PTCHD4: variants seen among roughly 807,000 people sequenced by gnomAD.
The protein encoded by PTCHD4 is patched domain containing 4.
A neutral mutation model predicts 58.1 loss-of-function variants in PTCHD4; 33 were observed. The ratio of observed to expected loss-of-function variants is 0.57; its 90% CI spans 0.43 to 0.76. PTCHD4 has a LOEUF of 0.76. PTCHD4 is among the 30% of genes least tolerant of loss of function. The pLI is 0.00. For missense variants in PTCHD4, 1,058 were observed against 1,027.1 expected, an observed-to-expected ratio of 1.03 and a Z score of -0.41; for synonymous variants, 478 against 409.6, an observed-to-expected ratio of 1.17 and a Z score of -2.02.
At chr6:48,002,166 A>C (rs377111559) in intron 4 of PTCHD4, among the ~76,000 whole-genome samples, 1 of 152,262 alleles carries the variant, frequency 6.6e-6, no homozygotes, top group African/African-American at 2.4e-5. Flanking sequence ...GTTGGTGGGA[A>C]TGTAAACTAG....
chr6:48,085,390 A>G (rs1023732259), intron 1 of PTCHD4, among the ~76,000 whole-genome samples: 4 of 152,188 alleles, frequency 2.6e-5, no homozygotes, highest in African/African-American at 9.7e-5. Flanking sequence ...ATTCTCACAT[A>G]TAAGCATATT....
At chr6:48,073,362 T>C (rs913597211) in intron 1 of PTCHD4, among the ~76,000 whole-genome samples, 4 of 152,200 alleles carry the variant, frequency 2.6e-5, no homozygotes, top group African/African-American at 9.7e-5. Flanking sequence ...TTCCATAATT[T>C]ACTTCCTAGA....
At chr6:48,080,921 T>C (rs1765154974) in intron 1 of PTCHD4, among the ~76,000 whole-genome samples, 1 of 152,196 alleles carries the variant, frequency 6.6e-6, no homozygotes, top group Non-Finnish European at 1.5e-5. Flanking sequence ...TTTTTAGCAT[T>C]GTATGTTTCT....
At chr6:48,108,455 G>T (rs1765791990) in intron 1 of PTCHD4, among the ~76,000 whole-genome samples, 1 of 152,064 alleles carries the variant, frequency 6.6e-6, no homozygotes, top group African/African-American at 2.4e-5. Flanking sequence ...ACTGTTGTGG[G>T]GTGGGGGGAG....
At chr6:47,901,662 G>C (rs751777026) in intron 4 of PTCHD4, 44 of 1,145,056 alleles carry the variant, frequency 3.8e-5, no homozygotes, top group Non-Finnish European at 4.8e-5. Flanking sequence ...TTAAGCACAG[G>C]GAGGAAAGAA....
At chr6:48,015,901 A>AG (rs1338326007) in intron 3 of PTCHD4, among the ~76,000 whole-genome samples, 11 of 151,922 alleles carry the variant, frequency 7.2e-5, no homozygotes, top group African/African-American at 2.7e-4. Flanking sequence ...ATATATAACT[A>AG]ATTATAGGTT....
At chr6:47,981,993 C>T (rs931225793) in intron 4 of PTCHD4, among the ~76,000 whole-genome samples, 1 of 152,156 alleles carries the variant, frequency 6.6e-6, no homozygotes, top group African/African-American at 2.4e-5. Context: ...CCAAGACTTG[C>T]CACGACTTCT....
intron 4 of PTCHD4, among the ~76,000 whole-genome samples, chr6:47,902,903 A>T (rs1185541169): frequency 6.6e-6 from 1 of 152,240 alleles, no homozygotes; most frequent in East Asian, 1.9e-4. Context: ...GGAGCTCTCT[A>T]AAAAGAGCGC....
In PTCHD4 at chr6:48,068,278, G is replaced by C; in HGVS notation, c.369C>G (p.Leu123=). 6.2e-7 allele frequency: 1 copy of C among 1,608,298 alleles called. No homozygotes were observed. Among genetic ancestry groups the C allele is most frequent in the Non-Finnish European group, 8.5e-7 (1 of 1,175,724 alleles). ...LLSPTGDNIL[L]QAEGILQTHR... ...GGGTCTGCAGGATCCCCTCAGCCTG[G>C]AGCAAAATATTGTCCCCGGTTGGGG... is the stretch of plus-strand genomic sequence containing the variant. Residue 123 remains leucine (L), a synonymous_variant, in exon 3 of 5, where the codon CTC becomes CTG. Transcript: ENST00000339488. This position sits in a 1 kb window ranked among gnomAD's most constrained non-coding sequence, Gnocchi z 4.2.
chr6:48,069,141 G>C lies in PTCHD4; in HGVS notation c.-184C>G, dbSNP rs1403575472. On this transcript the variant is annotated 5_prime_UTR_variant, in exon 2 of 5. Transcript: ENST00000339488. ...AAGAAGCAGACATGTGCCCCATAAA[G>C]GGGGGGGGGGCTGAGGGGGGGAGAG... is the stretch of plus-strand genomic sequence containing the variant. Among the ~76,000 whole-genome samples the C allele has an allele frequency of 1.8e-5, 1 of 55,260 alleles. No individual in the cohort carries two copies. The highest frequency in any genetic ancestry group is 1.8e-4 in the Admixed American group (1 of 5,634). The allele number at this position is 55,260 out of a possible 152,430, so 36.3% of individuals were successfully genotyped here. A position where few individuals can be genotyped will look rare whatever the true frequency, so the allele number is the denominator to read the frequency against.
At chr6:47,893,737 T>G (rs977870292) in intron 4 of PTCHD4, among the ~76,000 whole-genome samples, 1 of 152,228 alleles carries the variant, frequency 6.6e-6, no homozygotes, top group Non-Finnish European at 1.5e-5. Flanking sequence ...TAACTATTAC[T>G]GAGTAATATT....
intron 3 of PTCHD4, among the ~76,000 whole-genome samples, chr6:48,053,737 C>T (rs1011246082): frequency 2.0e-5 from 3 of 152,032 alleles, no homozygotes; most frequent in Admixed American, 6.6e-5. Flanking sequence ...AGGAGCATAG[C>T]AAATTGATTA....
intron 1 of PTCHD4, among the ~76,000 whole-genome samples, chr6:48,095,556 G>T (rs572019861): frequency 1.3e-5 from 2 of 151,918 alleles, no homozygotes; most frequent in African/African-American, 4.8e-5. Flanking sequence ...GTGGCGTGGC[G>T]GGGGGTGACT....
chr6:47,984,871 T>C (rs1768003774), intron 4 of PTCHD4, among the ~76,000 whole-genome samples: 1 of 152,060 alleles, frequency 6.6e-6, no homozygotes, highest in Non-Finnish European at 1.5e-5. Flanking sequence ...CAAAAAGCAA[T>C]TAGGTAGTTT....
chr6:47,923,192 TCTTCA>T (rs1229157504), intron 4 of PTCHD4, among the ~76,000 whole-genome samples: 3 of 152,196 alleles, frequency 2.0e-5, no homozygotes, highest in Non-Finnish European at 4.4e-5. Context: ...TTAAAAATAT[TCTTCA>T]AATTCAAAGT....
chr6:48,056,268 A>C (rs1380377965), intron 3 of PTCHD4, among the ~76,000 whole-genome samples: 3 of 152,208 alleles, frequency 2.0e-5, no homozygotes, highest in Non-Finnish European at 4.4e-5. Context: ...GAAAATAAGA[A>C]AGGTTCTAAG....
chr6:47,910,874 A>G (rs1452769146), intron 4 of PTCHD4, among the ~76,000 whole-genome samples: 2 of 152,168 alleles, frequency 1.3e-5, no homozygotes, highest in African/African-American at 4.8e-5. Context: ...CCTCACGTAT[A>G]AATATTTATT....
intron 3 of PTCHD4, among the ~76,000 whole-genome samples, chr6:48,043,012 C>T (rs1211912013): frequency 6.6e-6 from 1 of 151,862 alleles, no homozygotes; most frequent in Non-Finnish European, 1.5e-5. Flanking sequence ...CAAACGTAAT[C>T]TGTTGGATTT....
chr6:48,067,875 T>A (rs996902728), intron 3 of PTCHD4, among the ~76,000 whole-genome samples: 2 of 152,154 alleles, frequency 1.3e-5, no homozygotes, highest in African/African-American at 2.4e-5. Flanking sequence ...TTTCTTAATA[T>A]CTAGTCATAC....
Sources: allele counts gnomAD v4.1 joint callset (sites outside exome capture counted in the v4.1 genomes callset), GRCh38; gene constraint gnomAD v4.1.1; non-coding constraint Gnocchi (gnomAD v3.1); transcripts MANE v1.5; gene names NCBI Gene and HGNC (gene_info 2026-07-23, HGNC 2026-07-21).